The following DNAAF9 variants were observed in gnomAD, a reference collection of about 807,000 sequenced individuals.
DNAAF9 encodes the protein dynein axonemal assembly factor 9, also known as shulin.
A neutral mutation model predicts 167.0 loss-of-function variants in DNAAF9; 90 were observed. The observed-to-expected ratio is 0.54, with a 90% CI of 0.45 to 0.64. DNAAF9 has a LOEUF of 0.64. Among genes scored for constraint, DNAAF9 ranks in the 30% least tolerant of loss-of-function variants. The probability of loss-of-function intolerance (pLI) is 0.00; values close to 1 mark genes in which losing one functional copy is unlikely to be tolerated. For synonymous variants in DNAAF9, 491 were observed against 508.8 expected, an observed-to-expected ratio of 0.96 and a Z score of 0.47; for missense variants, 1,315 against 1,442.2, an observed-to-expected ratio of 0.91 and a Z score of 1.43.
intron 20 of DNAAF9, among the ~76,000 whole-genome samples, chr20:3,313,248 TG>T (rs772816202): frequency 3.9e-5 from 6 of 152,258 alleles, no homozygotes; most frequent in Non-Finnish European, 7.3e-5. Context: ...TCTTAACTCC[TG>T]GGTTCTCTGC....
chr20:3,259,047 C>T (rs2068332122), intron 33 of DNAAF9, among the ~76,000 whole-genome samples: 2 of 152,180 alleles, frequency 1.3e-5, no homozygotes, highest in African/African-American at 4.8e-5. Context: ...ATCCTCAGGC[C>T]TACTAGTCAG....
chr20:3,267,228 T>C (rs2068506712), intron 30 of DNAAF9, among the ~76,000 whole-genome samples: 1 of 152,220 alleles, frequency 6.6e-6, no homozygotes, highest in Admixed American at 6.5e-5. Flanking sequence ...AGTATTATCA[T>C]GGTTCTTTCT....
At chr20:3,316,649 A>G (rs934053101) in intron 18 of DNAAF9, 74 bp downstream of exon 18, 5 of 1,065,570 alleles carry the variant, frequency 4.7e-6, no homozygotes, top group Non-Finnish European at 5.8e-6. Context: ...GGCCCAACAA[A>G]GAGGCTCTTC....
chr20:3,343,870 T>C (rs2070137107), intron 8 of DNAAF9, 139 bp from the exon 9 acceptor site: 1 of 542,432 alleles, frequency 1.8e-6, no homozygotes, highest in African/African-American at 1.9e-5. Context: ...CGTGTGTGCA[T>C]GTGCGTGTGT....
intron 12 of DNAAF9, among the ~76,000 whole-genome samples, chr20:3,328,402 G>A (rs1371718533): frequency 1.3e-5 from 2 of 152,032 alleles, no homozygotes; most frequent in East Asian, 1.9e-4. Flanking sequence ...GGTTGGTTTC[G>A]AACTCCTGAC....
At chr20:3,260,605 G>A (rs940249662) in intron 31 of DNAAF9, among the ~76,000 whole-genome samples, 1 of 151,820 alleles carries the variant, frequency 6.6e-6, no homozygotes, top group Admixed American at 6.6e-5. Flanking sequence ...ACGGTGGGGG[G>A]CTCTTGCTCA....
intron 27 of DNAAF9, among the ~76,000 whole-genome samples, chr20:3,284,777 A>G (rs1204200167): frequency 1.3e-5 from 2 of 152,160 alleles, no homozygotes; most frequent in Admixed American, 6.6e-5. Flanking sequence ...TGATTTTATA[A>G]TATTCCAGAG....
intron 34 of DNAAF9, 78 bp downstream of exon 34, chr20:3,255,928 G>C: frequency 9.2e-7 from 1 of 1,085,740 alleles, no homozygotes; most frequent in Admixed American, 2.0e-5. Context: ...AGGCAGTGGC[G>C]GGGCTTCTCA....
intron 29 of DNAAF9, among the ~76,000 whole-genome samples, chr20:3,276,203 C>A (rs899056698): frequency 2.6e-5 from 4 of 152,172 alleles, no homozygotes; most frequent in African/African-American, 9.7e-5. Context: ...CAGATCCCAC[C>A]TCCAAGCCAG....
intron 13 of DNAAF9, among the ~76,000 whole-genome samples, chr20:3,325,778 A>T (rs1462663213): frequency 6.6e-6 from 1 of 152,170 alleles, no homozygotes; most frequent in Non-Finnish European, 1.5e-5. Context: ...AGCAAGTCAG[A>T]TTTTCTAATC....
At chr20:3,279,174 T>A (rs879262882) in intron 28 of DNAAF9, among the ~76,000 whole-genome samples, 27 of 152,080 alleles carry the variant, frequency 1.8e-4, no homozygotes, top group Non-Finnish European at 3.8e-4. Context: ...CAATTCTAAG[T>A]GGAATGCTGA....
In DNAAF9 at chr20:3,281,662, A is replaced by G. The variant is rs779445505; in HGVS notation, c.2591T>C (p.Met864Thr). The G allele has an allele frequency of 1.4e-5, 23 of 1,611,592 alleles. No homozygotes were observed. The East Asian group carries it at 5.1e-4, about 36-fold the overall frequency. ...IGAITACVEP[M>T]SCYMEHRFLF... ...CTACCTGTGCTCCATGTAGCAGCTC[A>G]TGGGCTCCACACATGCTGTGATGGC... The change falls in exon 28 of 37, where the codon ATG (methionine) becomes ACG (threonine). Residue 864 changes from methionine (M) to threonine (T), a missense_variant. Physicochemically the swap from Met to Thr is moderately conservative, Grantham distance 81 (BLOSUM62 -1). Transcript: ENST00000252032.
intron 10 of DNAAF9, among the ~76,000 whole-genome samples, chr20:3,338,941 A>G (rs1568614216): frequency 6.6e-6 from 1 of 151,486 alleles, no homozygotes; most frequent in Non-Finnish European, 1.5e-5. Flanking sequence ...GGTGTGAGCC[A>G]CTGTGCCCGG....
rs148023287 is a variant in DNAAF9 at position 3,349,192 on chromosome 20, C to CAAAA, written c.691-573_691-570dup. 1.9e-3 allele frequency among the ~76,000 whole-genome samples: 73 copies of CAAAA among 39,068 alleles called. 7 individuals are homozygous for CAAAA. Among genetic ancestry groups the CAAAA allele is most frequent in the African/African-American group, 5.2e-3 (42 of 8,038 alleles). 25.6% of individuals were successfully genotyped at this position (39,068 alleles called of 152,430 possible). A position where few individuals can be genotyped will look rare whatever the true frequency, so the allele number is the denominator to read the frequency against. On this transcript the variant is annotated intron_variant, in intron 7 of 36. Transcript: ENST00000252032. Reference sequence around the variant, plus strand: ...CAACATGATGAGACCTCGTCTCTACCAAAAAAAAAAACAAAAAAAAAAAAA... The same window carrying CAAAA: ...CAACATGATGAGACCTCGTCTCTACCAAAAAAAAAAAAAAACAAAAAAAAAAAAA...
intron 1 of DNAAF9, among the ~76,000 whole-genome samples, chr20:3,404,681 T>G (rs1165342223): frequency 6.6e-6 from 1 of 152,222 alleles, no homozygotes; most frequent in African/African-American, 2.4e-5. Context: ...TGTATTTATC[T>G]GACTCTACAG....
intron 6 of DNAAF9, among the ~76,000 whole-genome samples, chr20:3,372,800 AC>A (rs201430680): frequency 0.013 from 2,006 of 152,170 alleles, 48 homozygotes; most frequent in African/African-American, 0.046. Context: ...TACTATACCT[AC>A]CTCAGAGGGT....
At chr20:3,317,895 C>G (rs1223978588) in intron 17 of DNAAF9, among the ~76,000 whole-genome samples, 2 of 152,184 alleles carry the variant, frequency 1.3e-5, no homozygotes. Context: ...CCACGCCCAG[C>G]CTTCAAGTTG....
chr20:3,319,136 G>A (rs1404832722), intron 16 of DNAAF9, among the ~76,000 whole-genome samples: 59 of 148,406 alleles, frequency 4.0e-4, no homozygotes, highest in Non-Finnish European at 1.6e-4. Context: ...GGTGGCGTCT[G>A]CCTGTGGTCT....
chr20:3,308,510 AT>A (rs200761563), intron 20 of DNAAF9, among the ~76,000 whole-genome samples: 6,690 of 151,704 alleles, frequency 0.044, 221 homozygotes, highest in African/African-American at 0.094. Flanking sequence ...GGTCCAGCTA[AT>A]TTTTGTATTT....
Sources: gnomAD v4.1 joint callset for allele counts (sites outside exome capture counted in the v4.1 genomes callset) on GRCh38, gnomAD v4.1.1 for gene constraint, MANE v1.5 for transcripts, NCBI Gene and HGNC (gene_info 2026-07-23, HGNC 2026-07-21) for gene names.